Variants in PRKRA observed in about 807,000 individuals in gnomAD.
The protein encoded by PRKRA is interferon-inducible double-stranded RNA-dependent protein kinase activator A.
Under a neutral mutation model 32.4 loss-of-function variants are expected in PRKRA, and 22 were observed. The ratio of observed to expected loss-of-function variants is 0.68; its 90% CI spans 0.49 to 0.97. The LOEUF is 0.97. Ranked by LOEUF, PRKRA falls within the 50% of genes least tolerant of loss-of-function variation. The pLI is 0.00. For missense variants in PRKRA, 319 were observed against 375.6 expected (o/e 0.85, Z 1.25); for synonymous variants, 139 against 129.8 (o/e 1.07, Z -0.48).
chr2:178,433,728 T>C (rs188097005), intron 7 of PRKRA: 94 of 152,304 alleles, frequency 6.2e-4, no homozygotes, highest in African/African-American at 2.2e-3. Flanking sequence ...GTTCCAGCGA[T>C]GCTCATGCCT....
At chr2:178,433,628 T>C (rs922897087) in intron 7 of PRKRA, 1 of 152,184 alleles carries the variant, frequency 6.6e-6, no homozygotes, top group African/African-American at 2.4e-5. Context: ...TTTTCATGTA[T>C]TTTTTGGTCA....
Position 178,441,634 on chromosome 2 carries a change from A to C in PRKRA, c.585T>G (p.Ile195Met), listed in dbSNP as rs764662295. 6.2e-7 allele frequency: 1 copy of C among 1,606,688 alleles called. No homozygotes were observed. Among genetic ancestry groups the C allele is most frequent in the Middle Eastern group, 1.7e-4 (1 of 6,046 alleles). ...AEKFLAKFSN[I>M]SPENHISLTN... ...CTAAAGAAATGTGGTTCTCTGGAGA[A>C]ATATTACTAAATTTGGCAAGAAATT... The change falls in exon 6 of 8, where the codon ATT (isoleucine) becomes ATG (methionine). Residue 195 changes from isoleucine to methionine, a missense_variant. Physicochemically the swap from Ile to Met is conservative, Grantham distance 10. Coordinates refer to ENST00000325748, the MANE Select transcript of PRKRA (RefSeq NM_003690.5).
chr2:178,434,270 C>T (rs980401281), intron 7 of PRKRA, among the ~76,000 whole-genome samples: 1 of 152,036 alleles, frequency 6.6e-6, no homozygotes, highest in Non-Finnish European at 1.5e-5. Context: ...GCCACCTTGT[C>T]TGGCTAATTT....
At chr2:178,435,216 T>C (rs535446532) in intron 7 of PRKRA, among the ~76,000 whole-genome samples, 62 of 150,524 alleles carry the variant, frequency 4.1e-4, no homozygotes, top group African/African-American at 1.3e-3. Context: ...GACTCCATCT[T>C]GGGGAAAAAA....
intron 6 of PRKRA, chr2:178,439,307 A>G (rs972802879): frequency 6.6e-6 from 1 of 152,240 alleles, no homozygotes; most frequent in Admixed American, 6.5e-5. Flanking sequence ...CAAATAGTAC[A>G]GAAGTATAAA....
chr2:178,436,512 G>A (rs1416870978), intron 6 of PRKRA, among the ~76,000 whole-genome samples, 193 bp from the exon 7 acceptor site: 1 of 152,126 alleles, frequency 6.6e-6, no homozygotes, highest in Admixed American at 6.5e-5. Flanking sequence ...AATACTATAT[G>A]TTTTTAAGAA....
intron 1 of PRKRA, 78 bp downstream of exon 1, chr2:178,450,888 T>C (rs1223625519): frequency 2.0e-6 from 3 of 1,504,834 alleles, no homozygotes; most frequent in Admixed American, 2.1e-5. Flanking sequence ...AGAATGCCTC[T>C]GGAGGGCCGG....
intron 2 of PRKRA, 75 bp from the exon 3 acceptor site, chr2:178,447,661 C>T: frequency 2.6e-6 from 4 of 1,528,498 alleles, no homozygotes; most frequent in Admixed American, 1.7e-5. Context: ...TTTCAATACA[C>T]AAAACAAAGT....
At position 178,446,801 on chromosome 2, in the gene PRKRA, G is replaced by A. The variant is rs911000857; in HGVS notation, c.317+704C>T. Reference sequence around the variant, plus strand: ...GAGGTCAGGAGATCGAGACCATCCCGGCTAAAACGGTGAAACCCCGTCTCT... The same window carrying A: ...GAGGTCAGGAGATCGAGACCATCCCAGCTAAAACGGTGAAACCCCGTCTCT... On this transcript the variant is annotated intron_variant, in intron 3 of 7. Transcript: ENST00000325748. Among the ~76,000 whole-genome samples, 4 of 151,888 alleles carry A rather than the reference G, an allele frequency of 2.6e-5. No homozygotes were observed. In the East Asian group the frequency reaches 5.8e-4, roughly 22 times the overall value.
chr2:178,442,770 A>T (rs998481030), intron 5 of PRKRA, among the ~76,000 whole-genome samples: 2 of 152,242 alleles, frequency 1.3e-5, no homozygotes, highest in Non-Finnish European at 2.9e-5. Flanking sequence ...TTTTAAAGTG[A>T]CAGCGTTTCT....
In PRKRA at chr2:178,432,084, A is replaced by C. The variant is rs1696678965; in HGVS notation, c.*13T>G. 1.2e-6 allele frequency: 2 copies of C among 1,614,058 alleles called. No individual in the cohort carries two copies. Among genetic ancestry groups the C allele is most frequent in the Non-Finnish European group, 1.7e-6 (2 of 1,179,942 alleles). On this transcript the variant is annotated 3_prime_UTR_variant, in exon 8 of 8. Coordinates refer to ENST00000325748, the MANE Select transcript of PRKRA (RefSeq NM_003690.5). Reference sequence around the variant, plus strand: ...TTATGTGCTACTGAAAGATTTTTTAAGTTGCTCCAGATTTACTTTCTTTCT... The same window carrying C: ...TTATGTGCTACTGAAAGATTTTTTACGTTGCTCCAGATTTACTTTCTTTCT...
chr2:178,447,692 C>A (rs928467740), intron 2 of PRKRA, 106 bp from the exon 3 acceptor site: 13 of 990,732 alleles, frequency 1.3e-5, no homozygotes, highest in Non-Finnish European at 1.8e-5. Flanking sequence ...TTTACATACA[C>A]ATACTAGGTA....
intron 6 of PRKRA, among the ~76,000 whole-genome samples, chr2:178,440,966 C>A (rs891125171): frequency 6.6e-6 from 1 of 152,212 alleles, no homozygotes; most frequent in African/African-American, 2.4e-5. Context: ...GTTCTACACA[C>A]AACAAATCAC....
chr2:178,447,710 TA>T (rs1175504598), intron 2 of PRKRA, 124 bp from the exon 3 acceptor site: 1 of 954,422 alleles, frequency 1.0e-6, no homozygotes, highest in Non-Finnish European at 1.6e-6. Flanking sequence ...GTAATAAAAA[TA>T]TGTACGTTAT....
chr2:178,445,022 T>TGA (rs1697263354), intron 3 of PRKRA, among the ~76,000 whole-genome samples: 1 of 152,246 alleles, frequency 6.6e-6, no homozygotes, highest in Admixed American at 6.5e-5. Flanking sequence ...CCTGGCAATG[T>TGA]GAATAATACA....
chr2:178,449,351 TTAAAA>T (rs1559359848), intron 2 of PRKRA, among the ~76,000 whole-genome samples: 2 of 152,202 alleles, frequency 1.3e-5, no homozygotes, highest in African/African-American at 4.8e-5. Context: ...GTGGCATCAA[TTAAAA>T]TAAAAGACTC....
chr2:178,443,540 G>T (rs1301231295), intron 4 of PRKRA, 156 bp from the exon 5 acceptor site: 2 of 603,082 alleles, frequency 3.3e-6, no homozygotes, highest in Non-Finnish European at 5.9e-6. Context: ...ATTTCTCAAA[G>T]ACATTCCCGC....
intron 5 of PRKRA, among the ~76,000 whole-genome samples, chr2:178,442,912 G>A (rs1356294466): frequency 1.3e-5 from 2 of 152,000 alleles, no homozygotes; most frequent in Non-Finnish European, 2.9e-5. Flanking sequence ...TCTTCCTCTA[G>A]TCCTATTTTC....
At position 178,446,949 on chromosome 2, in the gene PRKRA, C is replaced by T. The variant is rs1185704128; in HGVS notation, c.317+556G>A. 4.8e-5 allele frequency among the ~76,000 whole-genome samples: 7 copies of T among 145,246 alleles called. No individual in the cohort carries two copies. The East Asian group carries it at 1.0e-3, about 21-fold the overall frequency. ...CGGAGCTTGCAGTGAGCCGAGATCC[C>T]GCCACTGCACTCCAGACTGGGCGAC... On this transcript the variant is annotated intron_variant, in intron 3 of 7. Coordinates refer to ENST00000325748, the MANE Select transcript of PRKRA (RefSeq NM_003690.5).
Sources: gnomAD v4.1 joint callset for allele counts (sites outside exome capture counted in the v4.1 genomes callset) on GRCh38, gnomAD v4.1.1 for gene constraint, MANE v1.5 for transcripts, NCBI Gene and HGNC (gene_info 2026-07-23, HGNC 2026-07-21) for gene names.